Variants in THBS2 observed in about 807,000 individuals in gnomAD.
THBS2 encodes the protein thrombospondin-2.
A neutral mutation model predicts 135.2 loss-of-function variants in THBS2; 47 were observed. That is an observed-to-expected ratio of 0.35 (90% CI 0.28 to 0.44). The LOEUF is 0.44. THBS2 is among the 20% of genes least tolerant of loss of function. The probability of loss-of-function intolerance (pLI) is 1.00; values close to 1 mark genes in which losing one functional copy is unlikely to be tolerated. For synonymous variants in THBS2, 639 were observed against 633.8 expected (o/e 1.01, Z -0.12); for missense variants, 1,288 against 1,603.1 (o/e 0.80, Z 3.36).
intron 9 of THBS2, among the ~76,000 whole-genome samples, chr6:169,235,592 GA>G (rs1302143579): frequency 6.6e-6 from 1 of 151,948 alleles, no homozygotes; most frequent in Non-Finnish European, 1.5e-5. Flanking sequence ...CAGACGCAGG[GA>G]AAGGCTATTT....
intron 18 of THBS2, among the ~76,000 whole-genome samples, 182 bp downstream of exon 18, chr6:169,223,066 G>A (rs181406527): frequency 5.3e-5 from 8 of 152,288 alleles, no homozygotes; most frequent in African/African-American, 9.6e-5. Context: ...ACTTCAGAGC[G>A]GCAGGTGCAT....
intron 3 of THBS2, 24 bp downstream of exon 3, chr6:169,248,393 C>A: frequency 1.9e-6 from 3 of 1,575,996 alleles, no homozygotes; most frequent in African/African-American, 1.3e-5. Flanking sequence ...TCCCTCACGG[C>A]GGCCACCTCC....
Position 169,241,766 on chromosome 6 carries a change from C to A in THBS2, c.887G>T (p.Arg296Ile). ...GGCCCCTGCGTGAGTACCCACCACT[C>A]TCTTGAGGTTCTCGCTGAGCTGGTT... ...LVNQLSENLK[R>I]VSNDNQFLWE... The change falls in exon 5 of 22, where the codon AGA (arginine) becomes ATA (isoleucine). Residue 296 changes from arginine (R) to isoleucine (I), a missense_variant. Arg to Ile is a moderately conservative substitution (Grantham distance 97). Coordinates refer to ENST00000617924, the MANE Select transcript of THBS2 (RefSeq NM_003247.5). The surrounding 1 kb of genome is among the most constrained non-coding windows in gnomAD (Gnocchi z 5.5). The A allele has an allele frequency of 1.2e-6, 2 of 1,606,996 alleles. No individual in the cohort carries two copies. Among genetic ancestry groups the A allele is most frequent in the Non-Finnish European group, 1.7e-6 (2 of 1,175,450 alleles).
chr6:169,244,908 C>A (rs535062281), intron 4 of THBS2, among the ~76,000 whole-genome samples: 2 of 152,322 alleles, frequency 1.3e-5, no homozygotes, highest in South Asian at 2.1e-4. Context: ...TCCTTGTTCT[C>A]CTTCCTCACA....
Position 169,217,692 on chromosome 6 carries a change from G to T in THBS2, c.*130C>A, listed in dbSNP as rs1779224681. The stretch of plus-strand genomic sequence containing the variant: ...TTTGGGGTTGCTGGCAGGAGGTGAA[G>T]AACCATCAGAGTTAAGGTCAAGGGA... On this transcript the variant is annotated 3_prime_UTR_variant, in exon 22 of 22. Transcript: ENST00000617924. The T allele has an allele frequency of 7.8e-6, 8 of 1,027,094 alleles. No individual in the cohort carries two copies. The highest frequency in any genetic ancestry group is 1.1e-5 in the Non-Finnish European group (8 of 711,626). The allele number at this position is 1,027,094 out of a possible 1,614,324, so 63.6% of individuals were successfully genotyped here.
At chr6:169,242,625 C>A in intron 4 of THBS2, among the ~76,000 whole-genome samples, 1 of 74,222 alleles carries the variant, frequency 1.3e-5, no homozygotes, top group Non-Finnish European at 3.0e-5. Flanking sequence ...CCGCTCCCAC[C>A]TTCCCACCAC....
intron 20 of THBS2, 129 bp from the exon 21 acceptor site, chr6:169,220,466 A>AG: frequency 8.5e-7 from 1 of 1,178,460 alleles, no homozygotes; most frequent in Non-Finnish European, 1.2e-6. Context: ...TCAGTGCCCC[A>AG]GGGGGCATTG....
intron 10 of THBS2, 90 bp downstream of exon 10, chr6:169,234,644 G>C (rs1779966937): frequency 7.7e-7 from 1 of 1,290,654 alleles, no homozygotes; most frequent in East Asian, 2.8e-5. Flanking sequence ...TTTCTTTTCT[G>C]TGTTTTTCAT....
At chr6:169,225,762 T>C (rs908215168) in intron 16 of THBS2, among the ~76,000 whole-genome samples, 70 of 152,326 alleles carry the variant, frequency 4.6e-4, no homozygotes, top group African/African-American at 1.6e-3. Context: ...CTGTCCTCCC[T>C]TGTCTCTTTC....
At chr6:169,248,175 T>G (rs927035666) in intron 3 of THBS2, among the ~76,000 whole-genome samples, 2 of 149,482 alleles carry the variant, frequency 1.3e-5, no homozygotes, top group Non-Finnish European at 3.0e-5. Flanking sequence ...GCATGTGTGT[T>G]TGTGTGTGTG....
chr6:169,247,664 G>T (rs1318659231), intron 3 of THBS2, among the ~76,000 whole-genome samples: 3 of 151,654 alleles, frequency 2.0e-5, no homozygotes, highest in Non-Finnish European at 4.4e-5. Context: ...ATGGCTGTGG[G>T]TGGTGTGTGC....
At chr6:169,237,493 C>T in intron 8 of THBS2, 132 bp downstream of exon 8, 2 of 1,507,060 alleles carry the variant, frequency 1.3e-6, no homozygotes, top group South Asian at 1.2e-5. Flanking sequence ...GAAAGAGCCT[C>T]ACCTGGCTAG....
chr6:169,252,179 C>CT lies in THBS2; in HGVS notation c.-22-1374dup, dbSNP rs1780778790. On this transcript the variant is annotated intron_variant, in intron 1 of 21. Transcript: ENST00000617924. The surrounding 1 kb of genome is among the most constrained non-coding windows in gnomAD (Gnocchi z 4.3). ...CTCTGGGTCTGGGGCGCTTTCTACT[C>CT]TAACTGCCCGAGGCAGCTGCAGTAA... 6.6e-6 allele frequency: 1 copy of CT among 152,208 alleles called. No individual in the cohort carries two copies. The highest frequency in any genetic ancestry group is 2.4e-5 in the African/African-American group (1 of 41,446). 9.4% of individuals were successfully genotyped at this position (152,208 alleles called of 1,614,324 possible).
At position 169,225,203 on chromosome 6, in the gene THBS2, G is replaced by C; in HGVS notation, c.2715C>G (p.Val905=). ...ACDPDDDNDG[V]PDDRDNCRLV... ...GCCGGCAGTTGTCCCTGTCATCGGG[G>C]ACGCCATCGTTGTCATCATCAGGGT... Residue 905 remains valine, a synonymous_variant, in exon 17 of 22, where the codon GTC becomes GTG. Coordinates refer to ENST00000617924, the MANE Select transcript of THBS2 (RefSeq NM_003247.5). 1 of 1,614,190 alleles carries C rather than the reference G, an allele frequency of 6.2e-7. No homozygotes were observed.
intron 7 of THBS2, among the ~76,000 whole-genome samples, chr6:169,238,180 G>A (rs185127985): frequency 2.0e-5 from 3 of 152,320 alleles, no homozygotes; most frequent in East Asian, 1.9e-4. Context: ...AAAATGTAAC[G>A]TATTTCCATT....
In THBS2 at chr6:169,217,006, C is replaced by T. The variant is rs1021158195; in HGVS notation, c.*816G>A. On this transcript the variant is annotated 3_prime_UTR_variant, in exon 22 of 22. Transcript: ENST00000617924. ...AAGGAAGCTCAGGCAGGAGCCTCCC[C>T]GACGCCACAGCGGCACAAGCAGCAG... 4.6e-5 allele frequency: 7 copies of T among 152,342 alleles called. No homozygotes were observed. The highest frequency in any genetic ancestry group is 2.1e-4 in the South Asian group (1 of 4,830). 9.4% of individuals were successfully genotyped at this position (152,342 alleles called of 1,614,324 possible).
intron 20 of THBS2, among the ~76,000 whole-genome samples, 180 bp downstream of exon 20, chr6:169,221,250 A>T (rs764895075): frequency 1.1e-4 from 16 of 152,274 alleles, no homozygotes; most frequent in Non-Finnish European, 1.9e-4. Context: ...ACCATTTTTT[A>T]AAAATACTTA....
chr6:169,235,035 C>T (rs1779985374), intron 9 of THBS2, 128 bp from the exon 10 acceptor site: 2 of 935,170 alleles, frequency 2.1e-6, no homozygotes, highest in Admixed American at 3.0e-5. Flanking sequence ...CTGGTTTCTC[C>T]CCAGGTTGGC....
Position 169,241,343 on chromosome 6 carries a change from C to T in THBS2, c.891+419G>A, listed in dbSNP as rs1179581071. Among the ~76,000 whole-genome samples the T allele has an allele frequency of 6.6e-6, 1 of 152,198 alleles. No individual in the cohort carries two copies. The highest frequency in any genetic ancestry group is 1.5e-5 in the Non-Finnish European group (1 of 68,050). On this transcript the variant is annotated intron_variant, in intron 5 of 21. Transcript: ENST00000617924. This position sits in a 1 kb window ranked among gnomAD's most constrained non-coding sequence, Gnocchi z 5.5. Reference sequence around the variant, plus strand: ...GCCAGCCTCACAGGAACTTCCCGTCCTGCCTCTTCAGCTATGCCAACATGC... The same window carrying T: ...GCCAGCCTCACAGGAACTTCCCGTCTTGCCTCTTCAGCTATGCCAACATGC...
Sources: gnomAD v4.1 joint callset for allele counts (sites outside exome capture counted in the v4.1 genomes callset) on GRCh38, gnomAD v4.1.1 for gene constraint, Gnocchi (gnomAD v3.1) non-coding constraint, MANE v1.5 for transcripts, NCBI Gene and HGNC (gene_info 2026-07-23, HGNC 2026-07-21) for gene names.